Variants in B3GALT1 observed in about 807,000 individuals in gnomAD.
B3GALT1 encodes the protein UDP-Gal:betaGlcNAc beta 1,3-galactosyltransferase, polypeptide 1.
A neutral mutation model predicts 23.2 loss-of-function variants in B3GALT1; 10 were observed. That is an observed-to-expected ratio of 0.43 (90% confidence interval 0.27 to 0.73). The LOEUF (loss-of-function observed/expected upper bound fraction) is 0.73, where lower values mean the gene tolerates loss of function less well. Among genes scored for constraint, B3GALT1 ranks in the 30% least tolerant of loss-of-function variants. B3GALT1 has a pLI of 0.21. For synonymous variants in B3GALT1, 156 were observed against 141.5 expected (o/e 1.10, Z -0.73); for missense variants, 299 against 405.4 (o/e 0.74, Z 2.25).
intron 3 of B3GALT1, among the ~76,000 whole-genome samples, chr2:167,797,787 C>T (rs1688568377): frequency 1.3e-5 from 2 of 152,178 alleles, no homozygotes; most frequent in Admixed American, 6.5e-5. Context: ...CGGCTCACTG[C>T]AAGCTCTGCC....
chr2:167,546,745 C>A (rs963142617), intron 2 of B3GALT1, among the ~76,000 whole-genome samples: 1 of 152,190 alleles, frequency 6.6e-6, no homozygotes, highest in African/African-American at 2.4e-5. Context: ...GCACATCCCC[C>A]TATTTATATT....
At chr2:167,400,553 T>C (rs1335911961) in intron 1 of B3GALT1, among the ~76,000 whole-genome samples, 1 of 152,136 alleles carries the variant, frequency 6.6e-6, no homozygotes, top group Non-Finnish European at 1.5e-5. Context: ...GGGAGTACTA[T>C]GGGTTCCTAT....
intron 4 of B3GALT1, among the ~76,000 whole-genome samples, chr2:167,847,448 G>A (rs1419950690): frequency 6.6e-6 from 1 of 152,140 alleles, no homozygotes; most frequent in East Asian, 1.9e-4. Flanking sequence ...TCAAAACTGT[G>A]CAAATACATG....
At chr2:167,448,938 A>T (rs537343718) in intron 1 of B3GALT1, among the ~76,000 whole-genome samples, 3 of 152,150 alleles carry the variant, frequency 2.0e-5, no homozygotes, top group African/African-American at 7.2e-5. Context: ...TGGATTCCCT[A>T]TTCCATTTTA....
chr2:167,534,355 A>G (rs1282790761), intron 2 of B3GALT1, among the ~76,000 whole-genome samples: 1 of 151,794 alleles, frequency 6.6e-6, no homozygotes, highest in South Asian at 2.1e-4. Flanking sequence ...ATTTCTTCAT[A>G]TCTGTTATCT....
At chr2:167,513,482 C>G (rs1390761045) in intron 2 of B3GALT1, among the ~76,000 whole-genome samples, 1 of 152,048 alleles carries the variant, frequency 6.6e-6, no homozygotes, top group South Asian at 2.1e-4. Context: ...ATTTGAACAT[C>G]AACTGGATAT....
chr2:167,791,693 C>T (rs1272041756), intron 3 of B3GALT1, among the ~76,000 whole-genome samples: 1 of 152,132 alleles, frequency 6.6e-6, no homozygotes, highest in Admixed American at 6.5e-5. Context: ...ATTATTTCCA[C>T]ATAAAGTGAG....
intron 3 of B3GALT1, among the ~76,000 whole-genome samples, chr2:167,751,171 C>T (rs955385119): frequency 1.3e-5 from 2 of 152,156 alleles, no homozygotes; most frequent in Non-Finnish European, 2.9e-5. Flanking sequence ...GATATCACTC[C>T]TCTGTGGATT....
intron 2 of B3GALT1, among the ~76,000 whole-genome samples, chr2:167,610,468 G>A (rs1685040235): frequency 1.3e-5 from 2 of 152,010 alleles, no homozygotes; most frequent in Admixed American, 1.3e-4. Context: ...TCAGTTAATA[G>A]TTTCAAAATG....
chr2:167,736,790 C>T (rs557406562), intron 3 of B3GALT1, among the ~76,000 whole-genome samples: 4 of 151,976 alleles, frequency 2.6e-5, no homozygotes, highest in African/African-American at 7.2e-5. Flanking sequence ...AAAAAGTAGC[C>T]GGGTGTGGTG....
chr2:167,550,953 C>G (rs1683733019), intron 2 of B3GALT1, among the ~76,000 whole-genome samples: 1 of 152,130 alleles, frequency 6.6e-6, no homozygotes, highest in South Asian at 2.1e-4. Context: ...TGGAGTTGTT[C>G]AGGGACCCCG....
chr2:167,589,811 T>C (rs1424868695), intron 2 of B3GALT1, among the ~76,000 whole-genome samples: 1 of 152,198 alleles, frequency 6.6e-6, no homozygotes, highest in East Asian at 1.9e-4. Context: ...AAATAGAGAC[T>C]TTTTATTATT....
chr2:167,295,757 TTG>T (rs1323748206), intron 1 of B3GALT1, among the ~76,000 whole-genome samples: 1 of 142,704 alleles, frequency 7.0e-6, no homozygotes, highest in African/African-American at 2.8e-5. Flanking sequence ...CATTTTAAGG[TTG>T]TGTGTGTACG....
chr2:167,497,524 T>G (rs992227900), intron 2 of B3GALT1, among the ~76,000 whole-genome samples: 1 of 152,156 alleles, frequency 6.6e-6, no homozygotes, highest in African/African-American at 2.4e-5. Flanking sequence ...AGGATGTTCC[T>G]TCTTAGAAGT....
At chr2:167,764,275 A>G (rs143536431) in intron 3 of B3GALT1, among the ~76,000 whole-genome samples, 2 of 152,306 alleles carry the variant, frequency 1.3e-5, no homozygotes, top group East Asian at 3.9e-4. Context: ...CATATTCAGA[A>G]ATTAATCCTA....
At chr2:167,312,628 A>T (rs1256735372) in intron 1 of B3GALT1, among the ~76,000 whole-genome samples, 1 of 152,104 alleles carries the variant, frequency 6.6e-6, no homozygotes, top group East Asian at 1.9e-4. Context: ...ATACAGATTG[A>T]TTACATGGTC....
At chr2:167,825,232 C>T (rs534883526) in intron 4 of B3GALT1, among the ~76,000 whole-genome samples, 6 of 142,000 alleles carry the variant, frequency 4.2e-5, no homozygotes, top group African/African-American at 1.6e-4. Flanking sequence ...TGCAGTGAGC[C>T]GAGATCGCGC....
intron 1 of B3GALT1, among the ~76,000 whole-genome samples, chr2:167,428,412 C>T (rs1220107669): frequency 9.2e-5 from 14 of 152,140 alleles, no homozygotes; most frequent in African/African-American, 1.9e-4. Flanking sequence ...TAGCAGCTTA[C>T]GCCAGTTATT....
intron 2 of B3GALT1, among the ~76,000 whole-genome samples, chr2:167,549,244 G>A (rs950228127): frequency 1.3e-5 from 2 of 152,180 alleles, no homozygotes; most frequent in African/African-American, 4.8e-5. Flanking sequence ...ACTTAGGCAG[G>A]TGTTAGTATC....
Sources: allele counts gnomAD v4.1 joint callset (sites outside exome capture counted in the v4.1 genomes callset), GRCh38; gene constraint gnomAD v4.1.1; transcripts MANE v1.5; gene names NCBI Gene and HGNC (gene_info 2026-07-23, HGNC 2026-07-21).